Variants in FAM107B observed in about 807,000 individuals in gnomAD.
FAM107B encodes the protein family with sequence similarity 107 member B.
Under a neutral mutation model 31.5 loss-of-function variants are expected in FAM107B, and 21 were observed. That is an observed-to-expected ratio of 0.67 (90% confidence interval 0.47 to 0.96). The LOEUF is 0.96. Among genes scored for constraint, FAM107B ranks in the 40% least tolerant of loss-of-function variants. FAM107B has a pLI of 0.00. For missense variants in FAM107B, 452 were observed against 377.1 expected (o/e 1.20, Z -1.64); for synonymous variants, 157 against 141.5 (o/e 1.11, Z -0.78).
intron 1 of FAM107B, among the ~76,000 whole-genome samples, chr10:14,763,459 C>G (rs1365443009): frequency 6.6e-6 from 1 of 152,162 alleles, no homozygotes; most frequent in African/African-American, 2.4e-5. Flanking sequence ...CCACGTGCCT[C>G]TAATTGTTAG....
At chr10:14,774,138 G>T in intron 1 of FAM107B, 115 bp downstream of exon 1, 1 of 1,311,314 alleles carries the variant, frequency 7.6e-7, no homozygotes, top group Non-Finnish European at 1.0e-6. Context: ...GAGAACGCCC[G>T]CAATGCCTTA....
chr10:14,741,437 G>T (rs1021015530), intron 1 of FAM107B, among the ~76,000 whole-genome samples: 3 of 152,080 alleles, frequency 2.0e-5, no homozygotes, highest in African/African-American at 7.2e-5. Context: ...CATCCACTAA[G>T]GTCACCGCAC....
At chr10:14,626,354 T>C (rs976259273) in intron 2 of FAM107B, among the ~76,000 whole-genome samples, 6 of 152,190 alleles carry the variant, frequency 3.9e-5, no homozygotes, top group African/African-American at 1.4e-4. Flanking sequence ...GACTGTGCAA[T>C]TGTCTAAGAG....
At chr10:14,578,822 A>C (rs186344121) in intron 2 of FAM107B, among the ~76,000 whole-genome samples, 30 of 152,348 alleles carry the variant, frequency 2.0e-4, no homozygotes, top group Admixed American at 1.4e-3. Context: ...GGGAACAAAC[A>C]ATGACGATCA....
At chr10:14,533,281 T>G (rs1052537102) in intron 2 of FAM107B, among the ~76,000 whole-genome samples, 1 of 152,094 alleles carries the variant, frequency 6.6e-6, no homozygotes, top group African/African-American at 2.4e-5. Flanking sequence ...AGATGTATTT[T>G]AAAGGTAAAG....
chr10:14,556,964 G>A (rs1486657562), intron 2 of FAM107B, among the ~76,000 whole-genome samples: 5 of 152,102 alleles, frequency 3.3e-5, no homozygotes, highest in African/African-American at 1.2e-4. Context: ...TTCATTCCTG[G>A]AACACACCAA....
chr10:14,748,392 C>T (rs530205994), intron 1 of FAM107B, among the ~76,000 whole-genome samples: 153 of 152,302 alleles, frequency 1.0e-3, no homozygotes, highest in African/African-American at 3.6e-3. Flanking sequence ...GAATTCCTCG[C>T]TTTGAGTTTC....
intron 1 of FAM107B, among the ~76,000 whole-genome samples, chr10:14,669,367 C>CA (rs34544529): frequency 0.08 from 9,549 of 119,238 alleles, 611 homozygotes; most frequent in African/African-American, 0.14. Flanking sequence ...GAGACTCTGT[C>CA]AAAAAAAAAA....
At chr10:14,692,245 G>A (rs750886131) in intron 1 of FAM107B, among the ~76,000 whole-genome samples, 88 of 152,104 alleles carry the variant, frequency 5.8e-4, no homozygotes, top group Non-Finnish European at 7.8e-4. Flanking sequence ...AAAACAAGGC[G>A]TACCCCTGGG....
At chr10:14,547,303 C>A (rs1007646784) in intron 2 of FAM107B, among the ~76,000 whole-genome samples, 1 of 152,154 alleles carries the variant, frequency 6.6e-6, no homozygotes, top group African/African-American at 2.4e-5. Context: ...GGTCCACAAA[C>A]CTAAATCCTG....
chr10:14,546,006 C>T lies in FAM107B; in HGVS notation c.470-15491G>A, dbSNP rs1848659893. Among the ~76,000 whole-genome samples the T allele has an allele frequency of 2.0e-5, 3 of 152,250 alleles. No homozygotes were observed. The South Asian group carries it at 6.2e-4, about 32-fold the overall frequency. ...CTAGCTTTCAAAGCCCTCAAACATT[C>T]CTGTCTTCAAGAGCTGACTAATAAT... On this transcript the variant is annotated intron_variant, in intron 2 of 4. Transcript: ENST00000181796.
rs1209080950 is a variant in FAM107B, at chr10:14,519,469, G to A, written c.*1721C>T. 2.0e-5 allele frequency: 3 copies of A among 152,294 alleles called. No individual in the cohort carries two copies. The highest frequency in any genetic ancestry group is 1.9e-4 in the East Asian group (1 of 5,184). 9.4% of individuals were successfully genotyped at this position (152,294 alleles called of 1,614,324 possible). On this transcript the variant is annotated 3_prime_UTR_variant, in exon 5 of 5. Coordinates refer to ENST00000181796, the MANE Select transcript of FAM107B (RefSeq NM_031453.4). The stretch of plus-strand genomic sequence containing the variant: ...CTCAAAAGAACGATGGGAAAAAATA[G>A]TTACCATTCCATTCTTCGAAACCAA...
chr10:14,702,703 A>G (rs983496392), intron 1 of FAM107B, among the ~76,000 whole-genome samples: 5 of 152,194 alleles, frequency 3.3e-5, no homozygotes, highest in Non-Finnish European at 7.3e-5. Flanking sequence ...GTGCTTTGCA[A>G]CAGGAAGATA....
intron 2 of FAM107B, among the ~76,000 whole-genome samples, chr10:14,665,311 G>A (rs1312666060): frequency 4.6e-5 from 7 of 152,124 alleles, no homozygotes; most frequent in African/African-American, 1.7e-4. Context: ...CACATACTGA[G>A]GGCCTAAGGA....
chr10:14,721,761 G>A (rs1367957988), intron 1 of FAM107B, among the ~76,000 whole-genome samples: 1 of 152,128 alleles, frequency 6.6e-6, no homozygotes, highest in African/African-American at 2.4e-5. Flanking sequence ...TGTCAGATGG[G>A]TAGATTGCAA....
At chr10:14,609,382 A>G (rs1285041021) in intron 2 of FAM107B, among the ~76,000 whole-genome samples, 1 of 152,174 alleles carries the variant, frequency 6.6e-6, no homozygotes, top group Non-Finnish European at 1.5e-5. Flanking sequence ...TTCTAAGGTC[A>G]TTCAGATTGC....
At chr10:14,772,078 G>A (rs570719167) in intron 1 of FAM107B, among the ~76,000 whole-genome samples, 1 of 152,230 alleles carries the variant, frequency 6.6e-6, no homozygotes, top group South Asian at 2.1e-4. Context: ...TGCACTGGCC[G>A]GGCATGGTGG....
intron 1 of FAM107B, among the ~76,000 whole-genome samples, chr10:14,716,636 T>A (rs183686955): frequency 2.0e-5 from 3 of 151,310 alleles, no homozygotes; most frequent in Non-Finnish European, 4.4e-5. Context: ...TGCCAAGGAG[T>A]GATAGGGTAG....
chr10:14,731,373 C>T (rs1044862692), intron 1 of FAM107B, among the ~76,000 whole-genome samples: 4 of 152,058 alleles, frequency 2.6e-5, no homozygotes, highest in Admixed American at 6.5e-5. Flanking sequence ...ACCAGCCTGA[C>T]CAACATGGTG....
Sources: gnomAD v4.1 joint callset for allele counts (sites outside exome capture counted in the v4.1 genomes callset) on GRCh38, gnomAD v4.1.1 for gene constraint, MANE v1.5 for transcripts, NCBI Gene and HGNC (gene_info 2026-07-23, HGNC 2026-07-21) for gene names.